JAKMIP2: variants seen among roughly 807,000 people sequenced by gnomAD.
The protein encoded by JAKMIP2 is janus kinase and microtubule-interacting protein 2.
A neutral mutation model predicts 115.0 loss-of-function variants in JAKMIP2; 25 were observed. The observed-to-expected ratio is 0.22, with a 90% confidence interval of 0.16 to 0.30. JAKMIP2 has a LOEUF of 0.30. JAKMIP2 is among the 10% of genes least tolerant of loss of function. The pLI is 1.00. For missense variants in JAKMIP2, 642 were observed against 957.6 expected (o/e 0.67, Z 4.35); for synonymous variants, 334 against 343.6 (o/e 0.97, Z 0.31).
chr5:147,733,109 G>A lies in JAKMIP2; in HGVS notation c.-149+49347C>T, dbSNP rs73271965. ...CTTAAGGAGAGAGATGGTATCAATC[G>A]TTTCATCCTCATTGATGAGCACAAT... On this transcript the variant is annotated intron_variant, in intron 1 of 21. Transcript: ENST00000616793. Among the ~76,000 whole-genome samples the A allele has an allele frequency of 3.6e-3, 547 of 152,212 alleles. 2 individuals carry two copies. The highest frequency in any genetic ancestry group is 0.012 in the African/African-American group (514 of 41,484).
At chr5:147,722,134 A>C (rs994650904) in intron 1 of JAKMIP2, among the ~76,000 whole-genome samples, 18 of 152,186 alleles carry the variant, frequency 1.2e-4, no homozygotes, top group African/African-American at 4.3e-4. Flanking sequence ...AGGCTCCTCC[A>C]TATCTATAAC....
At chr5:147,711,683 T>C (rs1035933246) in intron 1 of JAKMIP2, among the ~76,000 whole-genome samples, 1 of 152,236 alleles carries the variant, frequency 6.6e-6, no homozygotes, top group Non-Finnish European at 1.5e-5. Context: ...TTGTTGTTTT[T>C]TGAGACAGAA....
chr5:147,706,661 G>A (rs974505834), intron 1 of JAKMIP2, among the ~76,000 whole-genome samples: 2 of 152,104 alleles, frequency 1.3e-5, no homozygotes, highest in Non-Finnish European at 2.9e-5. Flanking sequence ...AAATATTACT[G>A]ATGGAGTATT....
chr5:147,667,089 G>GT (rs1411058839), intron 2 of JAKMIP2, among the ~76,000 whole-genome samples: 1 of 152,078 alleles, frequency 6.6e-6, no homozygotes, highest in Non-Finnish European at 1.5e-5. Context: ...AGTTTCTTCA[G>GT]TACGTATTGT....
At chr5:147,598,956 T>C (rs2126574377) in intron 21 of JAKMIP2, among the ~76,000 whole-genome samples, 1 of 152,322 alleles carries the variant, frequency 6.6e-6, no homozygotes, top group East Asian at 1.9e-4. Context: ...GTAGCATTGA[T>C]CAGTTTTCAG....
intron 1 of JAKMIP2, among the ~76,000 whole-genome samples, chr5:147,720,613 T>C (rs1202707129): frequency 2.0e-5 from 3 of 152,168 alleles, no homozygotes; most frequent in Non-Finnish European, 4.4e-5. Flanking sequence ...CTTCCATCGC[T>C]GATATCCTTT....
chr5:147,641,377 A>G (rs922234701), intron 8 of JAKMIP2, among the ~76,000 whole-genome samples: 4 of 152,240 alleles, frequency 2.6e-5, no homozygotes, highest in African/African-American at 9.6e-5. Context: ...ATTAATTGTC[A>G]TAAGTGGGAG....
chr5:147,767,770 G>A (rs1254281230), intron 1 of JAKMIP2, among the ~76,000 whole-genome samples: 2 of 151,940 alleles, frequency 1.3e-5, no homozygotes, highest in Admixed American at 1.3e-4. Flanking sequence ...GTTCAAATTG[G>A]AAAAAAATCT....
intron 1 of JAKMIP2, among the ~76,000 whole-genome samples, chr5:147,779,510 A>G (rs2127095454): frequency 6.6e-6 from 1 of 152,230 alleles, no homozygotes; most frequent in African/African-American, 2.4e-5. Context: ...TAACTATACA[A>G]TATGAAATAA....
rs1017693365 is a variant in JAKMIP2, at chr5:147,588,318, C to T, written c.*3389G>A. The T allele has an allele frequency of 6.6e-6, 1 of 151,486 alleles. No homozygotes were observed. Among genetic ancestry groups the T allele is most frequent in the Non-Finnish European group, 1.5e-5 (1 of 67,964 alleles). 9.4% of individuals were successfully genotyped at this position (151,486 alleles called of 1,614,324 possible). A position where few individuals can be genotyped will look rare whatever the true frequency, so the allele number is the denominator to read the frequency against. Reference sequence around the variant, plus strand: ...TTAAGTTAATGAACCCGGAAGAATGCTGTTCTGACTGCTACAAACTCAGTA... The same window carrying T: ...TTAAGTTAATGAACCCGGAAGAATGTTGTTCTGACTGCTACAAACTCAGTA... On this transcript the variant is annotated 3_prime_UTR_variant, in exon 22 of 22. Coordinates refer to ENST00000616793, the MANE Select transcript of JAKMIP2 (RefSeq NM_001270941.2).
At chr5:147,606,360 T>C (rs1377916765) in intron 20 of JAKMIP2, among the ~76,000 whole-genome samples, 2 of 152,224 alleles carry the variant, frequency 1.3e-5, no homozygotes. Context: ...AATTTTCGTA[T>C]AAGGTGTAAG....
chr5:147,721,774 G>A (rs573152172), intron 1 of JAKMIP2, among the ~76,000 whole-genome samples: 3 of 152,212 alleles, frequency 2.0e-5, no homozygotes, highest in East Asian at 1.9e-4. Context: ...AGATGAACCC[G>A]GTACCTCAGA....
intron 20 of JAKMIP2, among the ~76,000 whole-genome samples, chr5:147,611,833 T>A (rs1046041296): frequency 6.6e-6 from 1 of 152,174 alleles, no homozygotes; most frequent in African/African-American, 2.4e-5. Context: ...CTCTTTGAGA[T>A]CACTGGGGAA....
At chr5:147,640,938 A>G (rs1431594452) in intron 8 of JAKMIP2, 115 bp from the exon 9 acceptor site, 5 of 805,842 alleles carry the variant, frequency 6.2e-6, no homozygotes, top group Non-Finnish European at 9.5e-6. Flanking sequence ...TGGATCCTCT[A>G]TGCTTCTTTG....
In JAKMIP2 at chr5:147,618,064, A is replaced by T. The variant is rs373448134; in HGVS notation, c.2193T>A (p.Thr731=). The T allele has an allele frequency of 6.2e-7, 1 of 1,614,030 alleles. No homozygotes were observed. The highest frequency in any genetic ancestry group is 1.3e-5 in the African/African-American group (1 of 74,930). ...TTAATAATTCACCAAACTTGATAAC[A>T]GTTTCTTGCTGTAGAGCATTGTACA... ...ATLYNALQQE[T]VIKFGELLSE... The change falls in exon 19 of 22, where the codon ACT becomes ACA. Residue 731 remains threonine, a synonymous_variant. Coordinates refer to ENST00000616793, the MANE Select transcript of JAKMIP2 (RefSeq NM_001270941.2).
At chr5:147,597,605 A>T (rs2126568204) in intron 21 of JAKMIP2, among the ~76,000 whole-genome samples, 1 of 152,314 alleles carries the variant, frequency 6.6e-6, no homozygotes, top group East Asian at 1.9e-4. Context: ...TCATTATTTC[A>T]TCCTTGCTCA....
intron 1 of JAKMIP2, among the ~76,000 whole-genome samples, chr5:147,740,521 C>CTT (rs1754103759): frequency 6.6e-6 from 1 of 152,192 alleles, no homozygotes; most frequent in Non-Finnish European, 1.5e-5. Flanking sequence ...GGTAGTTGTG[C>CTT]TGATGAACCT....
chr5:147,748,876 G>C (rs547663766), intron 1 of JAKMIP2, among the ~76,000 whole-genome samples: 26 of 152,276 alleles, frequency 1.7e-4, no homozygotes, highest in African/African-American at 5.8e-4. Flanking sequence ...ATTTCACTGT[G>C]AACCAGAAGA....
intron 1 of JAKMIP2, among the ~76,000 whole-genome samples, chr5:147,711,526 T>C (rs942703974): frequency 1.3e-5 from 2 of 152,194 alleles, no homozygotes; most frequent in Non-Finnish European, 1.5e-5. Context: ...GAGGCACTTA[T>C]GGATTTGGGG....
Sources: gnomAD v4.1 joint callset for allele counts (sites outside exome capture counted in the v4.1 genomes callset) on GRCh38, gnomAD v4.1.1 for gene constraint, MANE v1.5 for transcripts, NCBI Gene and HGNC (gene_info 2026-07-23, HGNC 2026-07-21) for gene names.